Variants in EVC2 observed in about 807,000 individuals in gnomAD.
EVC2 encodes limbin.
In EVC2, 148 loss-of-function variants were observed where a neutral mutation model predicts 149.3. The observed-to-expected ratio is 0.99, with a 90% CI of 0.87 to 1.14. The LOEUF (loss-of-function observed/expected upper bound fraction) is 1.14, where lower values mean the gene tolerates loss of function less well. EVC2 is among the 50% of genes most tolerant of loss of function. EVC2 has a pLI of 0.00. For synonymous variants in EVC2, 776 were observed against 649.9 expected (o/e 1.19, Z -2.95); for missense variants, 1,854 against 1,627.3 (o/e 1.14, Z -2.40).
intron 19 of EVC2, among the ~76,000 whole-genome samples, chr4:5,573,448 A>G (rs1722748193): frequency 1.3e-5 from 2 of 152,196 alleles, no homozygotes; most frequent in South Asian, 4.1e-4. Flanking sequence ...GGAGGCCATG[A>G]GCCAAGGAAT....
Position 5,661,536 on chromosome 4 carries a change from T to G in EVC2, c.1145+1571A>C, listed in dbSNP as rs543426173. 5.7e-4 allele frequency among the ~76,000 whole-genome samples: 86 copies of G among 152,196 alleles called. 1 individual carries two copies. Among genetic ancestry groups the G allele is most frequent in the Non-Finnish European group, 1.5e-4 (10 of 68,044 alleles). On this transcript the variant is annotated intron_variant, in intron 9 of 21. Coordinates refer to ENST00000344408, the MANE Select transcript of EVC2 (RefSeq NM_147127.5). ...GAACGAGGGTACAGATAATAACGTC[T>G]TCAGTCAGACACTTCAAAATAATTT...
intron 16 of EVC2, among the ~76,000 whole-genome samples, chr4:5,592,713 G>C (rs1712924933): frequency 6.6e-6 from 1 of 152,156 alleles, no homozygotes; most frequent in Admixed American, 6.6e-5. Context: ...CATCTTCTAG[G>C]AACATTCTAC....
intron 7 of EVC2, among the ~76,000 whole-genome samples, chr4:5,668,177 T>A (rs1449962822): frequency 6.6e-6 from 1 of 152,230 alleles, no homozygotes; most frequent in East Asian, 1.9e-4. Flanking sequence ...ACTAGCCTAT[T>A]CCTCATTCTT....
In EVC2 at chr4:5,589,245, C is replaced by T. The variant is rs146757605; in HGVS notation, c.2830-4395G>A. ...GCATAGGGCTCATTATTTCCATTGC[C>T]GAGGCAAGACCTTTTTGAGTACTAT... On this transcript the variant is annotated intron_variant, in intron 16 of 21. Transcript: ENST00000344408. Among the ~76,000 whole-genome samples, 99 of 152,264 alleles carry T rather than the reference C, an allele frequency of 6.5e-4. 1 individual carries two copies. The East Asian group carries it at 0.014, about 21-fold the overall frequency.
intron 4 of EVC2, among the ~76,000 whole-genome samples, 186 bp downstream of exon 4, chr4:5,691,079 T>A (rs1248086808): frequency 1.3e-5 from 2 of 152,234 alleles, no homozygotes; most frequent in Non-Finnish European, 2.9e-5. Flanking sequence ...GTAACAAAAA[T>A]AATCTCAGTC....
At chr4:5,666,331 T>C (rs543957156) in intron 7 of EVC2, among the ~76,000 whole-genome samples, 10 of 151,352 alleles carry the variant, frequency 6.6e-5, no homozygotes, top group East Asian at 1.9e-4. Context: ...TTAGGCAAAA[T>C]TTGCTCACTG....
intron 3 of EVC2, 135 bp from the exon 4 acceptor site, chr4:5,691,468 T>G: frequency 1.4e-6 from 1 of 708,852 alleles, no homozygotes; most frequent in Non-Finnish European, 2.4e-6. Flanking sequence ...AATCTTGAAG[T>G]CTTATTTTTT....
At chr4:5,597,220 G>C (rs1004382188) in intron 16 of EVC2, among the ~76,000 whole-genome samples, 21 of 152,124 alleles carry the variant, frequency 1.4e-4, no homozygotes, top group African/African-American at 5.1e-4. Context: ...CATTTTATGA[G>C]GCCAGCATCA....
At chr4:5,694,184 G>A (rs990448005) in intron 3 of EVC2, 151 bp downstream of exon 3, 1 of 769,128 alleles carries the variant, frequency 1.3e-6, no homozygotes, top group African/African-American at 1.8e-5. Flanking sequence ...AAAATAAATG[G>A]ATTTGCTACC....
chr4:5,537,049 C>A, the EVC2 span, among the ~76,000 whole-genome samples: 1 of 152,080 alleles, frequency 6.6e-6, no homozygotes, highest in South Asian at 2.1e-4. Flanking sequence ...TTTAAATGGA[C>A]AAAAGGTGCA....
intron 15 of EVC2, among the ~76,000 whole-genome samples, chr4:5,616,944 C>G (rs1715302870): frequency 6.6e-6 from 1 of 152,188 alleles, no homozygotes; most frequent in Non-Finnish European, 1.5e-5. Flanking sequence ...GGGGAACCAG[C>G]GGCTTATGGA....
chr4:5,634,693 G>C (rs1716773704), intron 10 of EVC2, among the ~76,000 whole-genome samples: 1 of 152,174 alleles, frequency 6.6e-6, no homozygotes, highest in African/African-American at 2.4e-5. Flanking sequence ...GAGCCTTGCA[G>C]ATGTGAGTTC....
At chr4:5,551,779 G>C (rs990055598) in intron 21 of EVC2, among the ~76,000 whole-genome samples, 3 of 152,138 alleles carry the variant, frequency 2.0e-5, no homozygotes, top group African/African-American at 7.2e-5. Context: ...GGAGGTAATT[G>C]AATCATGGGG....
At chr4:5,653,123 C>T (rs888122549) in intron 9 of EVC2, among the ~76,000 whole-genome samples, 16 of 152,160 alleles carry the variant, frequency 1.1e-4, no homozygotes, top group African/African-American at 3.9e-4. Flanking sequence ...CCTGTGTCTA[C>T]GTCCAGATTT....
chr4:5,625,634 C>A lies in EVC2; in HGVS notation c.2046+115G>T. On this transcript the variant is annotated intron_variant, in intron 13 of 21. Transcript: ENST00000344408. This position sits in a 1 kb window ranked among gnomAD's most constrained non-coding sequence, Gnocchi z 4.0. ...GTAGATGGCACATCATGGTGCCTGC[C>A]CAGCTGCCCTTCTGATCCTAGTTCA... The A allele has an allele frequency of 7.2e-7, 1 of 1,385,802 alleles. No individual in the cohort carries two copies. The allele number at this position is 1,385,802 out of a possible 1,614,324, so 85.8% of individuals were successfully genotyped here. A position where few individuals can be genotyped will look rare whatever the true frequency, so the allele number is the denominator to read the frequency against.
At position 5,576,702 on chromosome 4, in the gene EVC2, C is replaced by T. The variant is rs1722957638; in HGVS notation, c.3058-248G>A. Among the ~76,000 whole-genome samples the T allele has an allele frequency of 6.6e-6, 1 of 152,184 alleles. No individual in the cohort carries two copies. The highest frequency in any genetic ancestry group is 1.5e-5 in the Non-Finnish European group (1 of 68,038). On this transcript the variant is annotated intron_variant, in intron 17 of 21. Transcript: ENST00000344408. The surrounding 1 kb of genome is among the most constrained non-coding windows in gnomAD (Gnocchi z 4.5). ...CTTTCTCTGTCTGCCTGACCAATCC[C>T]CAGTCTTCTTTCACCCCTCCGCTTA...
intron 21 of EVC2, chr4:5,543,281 TC>T (rs1328014929): frequency 5.5e-6 from 6 of 1,091,264 alleles, no homozygotes; most frequent in Non-Finnish European, 7.4e-6. Context: ...ACCATCACCA[TC>T]CACCCCAAGC....
At chr4:5,700,124 A>G (rs2151742265) in intron 1 of EVC2, among the ~76,000 whole-genome samples, 1 of 152,352 alleles carries the variant, frequency 6.6e-6, no homozygotes, top group East Asian at 1.9e-4. Context: ...TGGGTGACAG[A>G]GCGAGACTCC....
intron 17 of EVC2, among the ~76,000 whole-genome samples, chr4:5,577,176 T>C (rs1162396838): frequency 6.6e-6 from 1 of 152,212 alleles, no homozygotes; most frequent in Middle Eastern, 3.2e-3. Flanking sequence ...AGAGTTAAAT[T>C]AATTTGTCAG....
Sources: gnomAD v4.1 joint callset for allele counts (sites outside exome capture counted in the v4.1 genomes callset) on GRCh38, gnomAD v4.1.1 for gene constraint, Gnocchi (gnomAD v3.1) non-coding constraint, MANE v1.5 for transcripts, NCBI Gene and HGNC (gene_info 2026-07-23, HGNC 2026-07-21) for gene names.